The following NRG3 variants were observed in gnomAD, a reference collection of about 807,000 sequenced individuals.
NRG3 encodes the protein pro-neuregulin-3, membrane-bound isoform.
NRG3 carries 31 observed loss-of-function variants against 66.9 expected under a neutral mutation model. The ratio of observed to expected loss-of-function variants is 0.46; its 90% CI spans 0.35 to 0.63. The LOEUF (loss-of-function observed/expected upper bound fraction) is 0.63, where lower values mean the gene tolerates loss of function less well. Ranked by LOEUF, NRG3 falls within the 20% of genes least tolerant of loss-of-function variation. NRG3 has a pLI of 0.00. For synonymous variants in NRG3, 393 were observed against 359.4 expected (o/e 1.09, Z -1.06); for missense variants, 910 against 878.9 (o/e 1.04, Z -0.45).
intron 3 of NRG3, among the ~76,000 whole-genome samples, chr10:82,792,147 A>T (rs528232878): frequency 1.3e-5 from 2 of 152,130 alleles, no homozygotes; most frequent in Admixed American, 1.3e-4. Context: ...TAGAGTTCTT[A>T]AAAAAAGTTG....
rs140415634 is a variant in NRG3 at position 82,941,193 on chromosome 10, ATATTCT to A, written c.1055-10271_1055-10266del. On this transcript the variant is annotated intron_variant, in intron 4 of 8. Coordinates refer to ENST00000372141, the MANE Select transcript of NRG3 (RefSeq NM_001010848.4). ...TCAGGGAGCTGGTTCTGTCTTCCTG[ATATTCT>A]TATTATATGCCCACCCTGCCAGGGT... 1.3e-3 allele frequency among the ~76,000 whole-genome samples: 201 copies of A among 152,054 alleles called. 5 individuals carry two copies. The East Asian group carries it at 0.036, about 27-fold the overall frequency.
chr10:82,176,880 GAC>G (rs142443398), intron 1 of NRG3, among the ~76,000 whole-genome samples: 54 of 146,214 alleles, frequency 3.7e-4, no homozygotes, highest in African/African-American at 9.2e-4. Context: ...TTTAAAACAA[GAC>G]ACACACACAC....
intron 4 of NRG3, among the ~76,000 whole-genome samples, chr10:82,930,506 T>C (rs147984350): frequency 3.3e-5 from 5 of 152,174 alleles, no homozygotes; most frequent in Non-Finnish European, 7.3e-5. Flanking sequence ...ATAGGGTGGA[T>C]AATATGCCTT....
intron 1 of NRG3, among the ~76,000 whole-genome samples, chr10:82,201,196 C>T (rs1407411989): frequency 7.7e-5 from 6 of 78,042 alleles, no homozygotes; most frequent in African/African-American, 2.9e-4. Flanking sequence ...GACTCTGTCT[C>T]AAAAAAAAAA....
At chr10:82,274,913 G>T (rs2078766868) in intron 1 of NRG3, among the ~76,000 whole-genome samples, 2 of 151,882 alleles carry the variant, frequency 1.3e-5, no homozygotes, top group African/African-American at 4.8e-5. Context: ...GGTGGGAGCT[G>T]CCCAATTCCA....
At chr10:82,267,045 C>G (rs1017786860) in intron 1 of NRG3, among the ~76,000 whole-genome samples, 2 of 152,102 alleles carry the variant, frequency 1.3e-5, no homozygotes, top group African/African-American at 4.8e-5. Context: ...TCTGTGGGGT[C>G]CTGGCTTCAG....
intron 3 of NRG3, among the ~76,000 whole-genome samples, chr10:82,739,362 CA>C (rs2058307715): frequency 6.6e-6 from 1 of 152,158 alleles, no homozygotes; most frequent in Non-Finnish European, 1.5e-5. Flanking sequence ...AGAATTGAAT[CA>C]TGACTAAAAA....
chr10:82,263,197 T>A (rs1316736359), intron 1 of NRG3, among the ~76,000 whole-genome samples: 1 of 151,892 alleles, frequency 6.6e-6, no homozygotes, highest in East Asian at 1.9e-4. Context: ...TGTACATCAG[T>A]GGGAAAGAAA....
chr10:81,995,445 T>C (rs1203612600), intron 1 of NRG3, among the ~76,000 whole-genome samples: 7 of 152,322 alleles, frequency 4.6e-5, no homozygotes, highest in Non-Finnish European at 1.0e-4. Flanking sequence ...GGAATGCATC[T>C]CTCCACTGTG....
At chr10:82,765,042 G>A (rs1437836806) in intron 3 of NRG3, among the ~76,000 whole-genome samples, 2 of 152,166 alleles carry the variant, frequency 1.3e-5, no homozygotes, top group Non-Finnish European at 2.9e-5. Context: ...GCTTGCTAAA[G>A]TGATTGGTAA....
chr10:82,300,152 T>C (rs2080311620), intron 1 of NRG3, among the ~76,000 whole-genome samples: 2 of 152,232 alleles, frequency 1.3e-5, no homozygotes, highest in African/African-American at 4.8e-5. Flanking sequence ...AGTTAGTATT[T>C]GTCTTATGTT....
At chr10:81,958,420 A>G (rs927988341) in intron 1 of NRG3, among the ~76,000 whole-genome samples, 2 of 152,214 alleles carry the variant, frequency 1.3e-5, no homozygotes, top group African/African-American at 4.8e-5. Flanking sequence ...TGAGGAAAAC[A>G]TGAAATTCTC....
At chr10:82,213,887 C>A (rs192649482) in intron 1 of NRG3, among the ~76,000 whole-genome samples, 12 of 152,112 alleles carry the variant, frequency 7.9e-5, no homozygotes, top group Non-Finnish European at 1.6e-4. Context: ...GCACCAGAGT[C>A]GGCTTATTCG....
At chr10:82,351,802 A>AC (rs1161452218) in intron 1 of NRG3, among the ~76,000 whole-genome samples, 1 of 152,156 alleles carries the variant, frequency 6.6e-6, no homozygotes, top group East Asian at 1.9e-4. Context: ...AGACAAGGCC[A>AC]CTCTGCACCC....
chr10:81,895,169 A>G (rs1389203067), intron 1 of NRG3, among the ~76,000 whole-genome samples: 1 of 152,014 alleles, frequency 6.6e-6, no homozygotes. Flanking sequence ...TAACACTCAA[A>G]CCAGAAACTG....
At chr10:82,823,897 T>C (rs1014826404) in intron 3 of NRG3, among the ~76,000 whole-genome samples, 2 of 152,190 alleles carry the variant, frequency 1.3e-5, no homozygotes, top group Non-Finnish European at 2.9e-5. Flanking sequence ...GGTAGTTTTT[T>C]AGCATATACA....
At chr10:82,798,207 G>C (rs1490705589) in intron 3 of NRG3, among the ~76,000 whole-genome samples, 3 of 152,078 alleles carry the variant, frequency 2.0e-5, no homozygotes, top group Non-Finnish European at 4.4e-5. Context: ...AATATACACA[G>C]TAAGTTATAG....
rs187402931 is a variant in NRG3 at position 82,721,413 on chromosome 10, C to T, written c.954-17164C>T. Among the ~76,000 whole-genome samples, 6 of 152,040 alleles carry T rather than the reference C, an allele frequency of 3.9e-5. No individual in the cohort carries two copies. The East Asian group carries it at 9.7e-4, about 25-fold the overall frequency. ...TCGGCCTCCCAAAATGCTGGGATTA[C>T]AGGCGTGAGCCACCGCGCCCGGCCT... On this transcript the variant is annotated intron_variant, in intron 2 of 8. Coordinates refer to ENST00000372141, the MANE Select transcript of NRG3 (RefSeq NM_001010848.4).
intron 1 of NRG3, among the ~76,000 whole-genome samples, chr10:82,007,151 T>G (rs958289179): frequency 6.6e-6 from 1 of 152,008 alleles, no homozygotes; most frequent in Non-Finnish European, 1.5e-5. Flanking sequence ...GATTTAGTTA[T>G]AACTGTCATT....
Sources: gnomAD v4.1 joint callset for allele counts (sites outside exome capture counted in the v4.1 genomes callset) on GRCh38, gnomAD v4.1.1 for gene constraint, MANE v1.5 for transcripts, NCBI Gene and HGNC (gene_info 2026-07-23, HGNC 2026-07-21) for gene names.